MMP16: variants seen among roughly 807,000 people sequenced by gnomAD.
MMP16 encodes the protein matrix metalloproteinase-16.
In MMP16, 12 loss-of-function variants were observed where a neutral mutation model predicts 67.8. That is an observed-to-expected ratio of 0.18 (90% CI 0.11 to 0.29). The LOEUF (loss-of-function observed/expected upper bound fraction) is 0.29. Among genes scored for constraint, MMP16 ranks in the 10% least tolerant of loss-of-function variants. MMP16 has a pLI of 1.00. For synonymous variants in MMP16, 249 were observed against 255.9 expected (o/e 0.97, Z 0.26); for missense variants, 475 against 765.7 (o/e 0.62, Z 4.48).
rs566633246 is a variant in MMP16 at position 88,222,755 on chromosome 8, T to C, written c.133-25449A>G. Among the ~76,000 whole-genome samples the C allele has an allele frequency of 7.2e-5, 11 of 152,222 alleles. No individual in the cohort carries two copies. In the South Asian group the frequency reaches 2.3e-3, roughly 32 times the overall value. On this transcript the variant is annotated intron_variant, in intron 1 of 9. Transcript: ENST00000286614. ...ACCATAAAAACCCTAGAAGAAAACC[T>C]AGGCAATACCATTCAGGACATAGGC...
intron 1 of MMP16, among the ~76,000 whole-genome samples, chr8:88,227,757 A>G (rs1809793600): frequency 6.6e-6 from 1 of 152,042 alleles, no homozygotes; most frequent in Non-Finnish European, 1.5e-5. Flanking sequence ...AGTAAAATTT[A>G]ATTTCTGCTC....
intron 6 of MMP16, among the ~76,000 whole-genome samples, chr8:88,116,040 T>A (rs1424801070): frequency 6.6e-6 from 1 of 152,112 alleles, no homozygotes; most frequent in Non-Finnish European, 1.5e-5. Flanking sequence ...CTCAAATGGC[T>A]ACCCGTGGAC....
intron 6 of MMP16, among the ~76,000 whole-genome samples, chr8:88,095,241 T>C (rs1260853973): frequency 2.0e-5 from 3 of 151,910 alleles, no homozygotes; most frequent in African/African-American, 7.2e-5. Flanking sequence ...GCAAGTTTAT[T>C]ATAACTACAG....
intron 7 of MMP16, among the ~76,000 whole-genome samples, chr8:88,067,293 T>A (rs968394615): frequency 1.3e-5 from 2 of 152,102 alleles, no homozygotes; most frequent in Non-Finnish European, 2.9e-5. Flanking sequence ...TTAATTTGGA[T>A]ATTCATAATC....
At chr8:88,225,996 C>T (rs1809763280) in intron 1 of MMP16, among the ~76,000 whole-genome samples, 1 of 151,936 alleles carries the variant, frequency 6.6e-6, no homozygotes, top group African/African-American at 2.4e-5. Flanking sequence ...TTTTATACAA[C>T]TATTTTATAA....
At chr8:88,228,642 G>A (rs1289630282) in intron 1 of MMP16, among the ~76,000 whole-genome samples, 1 of 152,010 alleles carries the variant, frequency 6.6e-6, no homozygotes, top group Non-Finnish European at 1.5e-5. Context: ...ACACATCTGA[G>A]AGTCTGTCTT....
At chr8:88,141,134 A>G (rs1278493942) in intron 4 of MMP16, among the ~76,000 whole-genome samples, 2 of 152,182 alleles carry the variant, frequency 1.3e-5, no homozygotes, top group African/African-American at 4.8e-5. Flanking sequence ...TTCTTGTGAA[A>G]AAAGTTTGGC....
At chr8:88,097,480 G>T (rs1809048399) in intron 6 of MMP16, among the ~76,000 whole-genome samples, 1 of 151,448 alleles carries the variant, frequency 6.6e-6, no homozygotes, top group African/African-American at 2.4e-5. Context: ...ACAAAAATTA[G>T]CCGAGTGTCA....
chr8:88,114,101 T>C (rs1267635371), intron 6 of MMP16, among the ~76,000 whole-genome samples: 1 of 151,910 alleles, frequency 6.6e-6, no homozygotes, highest in Admixed American at 6.6e-5. Flanking sequence ...TAAAACAGAA[T>C]GTTACCCATC....
intron 4 of MMP16, among the ~76,000 whole-genome samples, chr8:88,130,793 T>C (rs1308188855): frequency 1.3e-5 from 2 of 150,124 alleles, no homozygotes; most frequent in African/African-American, 4.9e-5. Flanking sequence ...TGTGTGTGGT[T>C]TGTAAGTAGA....
At chr8:88,266,277 T>C (rs538717511) in intron 1 of MMP16, among the ~76,000 whole-genome samples, 1 of 152,332 alleles carries the variant, frequency 6.6e-6, no homozygotes, top group African/African-American at 2.4e-5. Flanking sequence ...TCTGTAACTA[T>C]GTTTATATCC....
At chr8:88,081,861 G>T (rs970302644) in intron 6 of MMP16, among the ~76,000 whole-genome samples, 8 of 152,094 alleles carry the variant, frequency 5.3e-5, no homozygotes, top group African/African-American at 1.9e-4. Context: ...AACTCAGGAA[G>T]TTTAAGCTGT....
intron 7 of MMP16, among the ~76,000 whole-genome samples, chr8:88,073,492 G>A (rs144641191): frequency 6.6e-6 from 1 of 152,076 alleles, no homozygotes; most frequent in African/African-American, 2.4e-5. Flanking sequence ...TTGTTCAGCT[G>A]ATACAGCTAG....
rs139547264 is a variant in MMP16 at position 88,191,657 on chromosome 8, C to CCA, written c.282-5061_282-5060dup. Among the ~76,000 whole-genome samples the CCA allele has an allele frequency of 1.8e-4, 27 of 151,840 alleles. No individual in the cohort carries two copies. In the East Asian group the frequency reaches 2.5e-3, roughly 14 times the overall value. On this transcript the variant is annotated intron_variant, in intron 2 of 9. Transcript: ENST00000286614. The stretch of plus-strand genomic sequence containing the variant: ...AGAAGCTTCTAAACAGTTTGGTGTA[C>CCA]CACACACACACAGACACACACACAT...
At chr8:88,088,077 T>TATATAATAG (rs1808870651) in intron 6 of MMP16, among the ~76,000 whole-genome samples, 23 of 98,530 alleles carry the variant, frequency 2.3e-4, no homozygotes, top group Non-Finnish European at 3.8e-4. Flanking sequence ...TAGATATCTA[T>TATATAATAG]ATATCTATAT....
At chr8:88,246,523 T>A (rs926186533) in intron 1 of MMP16, among the ~76,000 whole-genome samples, 1 of 152,178 alleles carries the variant, frequency 6.6e-6, no homozygotes, top group African/African-American at 2.4e-5. Flanking sequence ...TGGGATATCA[T>A]CTGTGCATAA....
chr8:88,076,523 C>T (rs1808654377), intron 6 of MMP16, among the ~76,000 whole-genome samples: 1 of 152,014 alleles, frequency 6.6e-6, no homozygotes, highest in Non-Finnish European at 1.5e-5. Context: ...TTTCATGGTG[C>T]TAGGTGGCCT....
chr8:88,285,297 G>A (rs561537021), intron 1 of MMP16, among the ~76,000 whole-genome samples: 4 of 151,946 alleles, frequency 2.6e-5, no homozygotes, highest in Admixed American at 6.6e-5. Flanking sequence ...CTGCCACCAC[G>A]CCCAGCTAAT....
intron 1 of MMP16, among the ~76,000 whole-genome samples, chr8:88,289,350 A>T (rs938175398): frequency 6.6e-6 from 1 of 152,176 alleles, no homozygotes; most frequent in Non-Finnish European, 1.5e-5. Context: ...GAGAAAAAGG[A>T]ACATTTTAAA....
Sources: allele counts gnomAD v4.1 joint callset (sites outside exome capture counted in the v4.1 genomes callset), GRCh38; gene constraint gnomAD v4.1.1; transcripts MANE v1.5; gene names NCBI Gene and HGNC (gene_info 2026-07-23, HGNC 2026-07-21).